Variants in CLSTN2 observed in about 807,000 individuals in gnomAD.
The protein encoded by CLSTN2 is calsyntenin 2, also known as calsyntenin-2.
Under a neutral mutation model 101.2 loss-of-function variants are expected in CLSTN2, and 48 were observed. The ratio of observed to expected loss-of-function variants is 0.47; its 90% CI spans 0.38 to 0.60. The LOEUF (loss-of-function observed/expected upper bound fraction) is 0.60. Among genes scored for constraint, CLSTN2 ranks in the 20% least tolerant of loss-of-function variants. CLSTN2 has a pLI of 0.00. For synonymous variants in CLSTN2, 481 were observed against 463.6 expected, an observed-to-expected ratio of 1.04 and a Z score of -0.48; for missense variants, 1,160 against 1,238.2, an observed-to-expected ratio of 0.94 and a Z score of 0.95.
chr3:140,222,927 C>G (rs116568749), intron 2 of CLSTN2, among the ~76,000 whole-genome samples: 11 of 149,604 alleles, frequency 7.4e-5, no homozygotes, highest in African/African-American at 2.2e-4. Flanking sequence ...TGCCTTATAT[C>G]TTTCTATCTT....
At chr3:140,415,163 G>A (rs1244146506) in intron 4 of CLSTN2, among the ~76,000 whole-genome samples, 2 of 151,712 alleles carry the variant, frequency 1.3e-5, no homozygotes, top group African/African-American at 4.8e-5. Context: ...GGACCCTTCT[G>A]TTACACCATA....
intron 2 of CLSTN2, among the ~76,000 whole-genome samples, chr3:140,278,174 T>C (rs2086812445): frequency 2.0e-5 from 3 of 152,158 alleles, no homozygotes; most frequent in Non-Finnish European, 1.5e-5. Context: ...CAAAATTGGA[T>C]TACAGTAAGT....
At chr3:140,504,519 C>A (rs1237969732) in intron 8 of CLSTN2, among the ~76,000 whole-genome samples, 1 of 152,130 alleles carries the variant, frequency 6.6e-6, no homozygotes, top group Non-Finnish European at 1.5e-5. Flanking sequence ...AAAACAGAGT[C>A]CTGGACTCTG....
At chr3:140,210,992 A>C (rs1006178117) in intron 2 of CLSTN2, among the ~76,000 whole-genome samples, 2 of 152,158 alleles carry the variant, frequency 1.3e-5, no homozygotes, top group Non-Finnish European at 2.9e-5. Flanking sequence ...TCTGCTTACT[A>C]TATAATTGTG....
chr3:139,952,047 C>A (rs777482284), intron 1 of CLSTN2, among the ~76,000 whole-genome samples: 30 of 152,070 alleles, frequency 2.0e-4, no homozygotes, highest in Non-Finnish European at 4.1e-4. Context: ...GTTTCAGCAA[C>A]TTTGAGATGA....
rs771753205 is a variant in CLSTN2 at position 140,418,511 on chromosome 3, TTCTTTC to T, written c.638-2612_638-2607del. ...TCTAGTTCTTTCTTTCTTTCTTTCTTTCTTTCTTTTTTTTTTTTTTTTCTGAGACGG... is the reference window on the plus strand; with the variant it reads ...TCTAGTTCTTTCTTTCTTTCTTTCTTTTTTTTTTTTTTTTTTCTGAGACGG... On this transcript the variant is annotated intron_variant, in intron 4 of 16. Transcript: ENST00000458420. Among the ~76,000 whole-genome samples, 33 of 41,534 alleles carry T rather than the reference TTCTTTC, an allele frequency of 7.9e-4. 1 individual carries two copies. In the African/African-American group the frequency reaches 0.018, roughly 23 times the overall value. The allele number at this position is 41,534 out of a possible 152,430, so 27.2% of individuals were successfully genotyped here.
chr3:140,044,326 T>C, intron 1 of CLSTN2, among the ~76,000 whole-genome samples: 1 of 152,318 alleles, frequency 6.6e-6, no homozygotes, highest in African/African-American at 2.4e-5. Flanking sequence ...TTTGGCTCTC[T>C]GTTTGTCTGT....
intron 8 of CLSTN2, among the ~76,000 whole-genome samples, chr3:140,481,820 G>T (rs1188584878): frequency 2.6e-5 from 4 of 152,350 alleles, no homozygotes; most frequent in African/African-American, 7.2e-5. Flanking sequence ...CTTTGCTGAA[G>T]TTGCCTATCG....
chr3:140,343,946 C>T (rs763574431), intron 2 of CLSTN2, among the ~76,000 whole-genome samples: 1 of 152,164 alleles, frequency 6.6e-6, no homozygotes, highest in African/African-American at 2.4e-5. Context: ...GTGCTAGGTG[C>T]CAGGCACGGA....
intron 2 of CLSTN2, among the ~76,000 whole-genome samples, chr3:140,386,115 T>C (rs139412547): frequency 1.1e-3 from 175 of 152,322 alleles, no homozygotes; most frequent in South Asian, 3.5e-3. Context: ...TTATGCAAAG[T>C]GCTTTAGGCA....
chr3:140,176,679 G>T (rs1438995586), intron 2 of CLSTN2, among the ~76,000 whole-genome samples: 2 of 152,236 alleles, frequency 1.3e-5, no homozygotes, highest in Non-Finnish European at 2.9e-5. Flanking sequence ...CCCAGGAGGG[G>T]TGAGTGAGGA....
At chr3:140,531,508 C>T (rs564815834) in intron 8 of CLSTN2, among the ~76,000 whole-genome samples, 11 of 152,170 alleles carry the variant, frequency 7.2e-5, no homozygotes, top group African/African-American at 2.2e-4. Context: ...ATGGCAGAGT[C>T]GATGGAGACA....
chr3:140,536,673 C>A (rs558796012), intron 9 of CLSTN2, among the ~76,000 whole-genome samples: 3 of 152,292 alleles, frequency 2.0e-5, no homozygotes, highest in South Asian at 4.1e-4. Flanking sequence ...AGAGAAATGA[C>A]AACCCATTGG....
At chr3:140,490,161 C>T (rs550433143) in intron 8 of CLSTN2, among the ~76,000 whole-genome samples, 3,520 of 116,164 alleles carry the variant, frequency 0.03, 510 homozygotes, top group Non-Finnish European at 0.047. Context: ...CACACACACA[C>T]ATATATACAG....
rs143863422 is a variant in CLSTN2, at chr3:140,129,052, A to G, written c.110-46899A>G. On this transcript the variant is annotated intron_variant, in intron 1 of 16. Coordinates refer to ENST00000458420, the MANE Select transcript of CLSTN2 (RefSeq NM_022131.3). ...GGGGATGCAAATCTTAGTAAATACA[A>G]AAACTTGTAATCCTCAGCTCCTGGA... Among the ~76,000 whole-genome samples the G allele has an allele frequency of 3.3e-5, 5 of 152,300 alleles. No individual in the cohort carries two copies. The East Asian group carries it at 7.7e-4, about 24-fold the overall frequency.
chr3:140,309,961 G>T (rs903058976), intron 2 of CLSTN2, among the ~76,000 whole-genome samples: 1 of 152,110 alleles, frequency 6.6e-6, no homozygotes, highest in Admixed American at 6.5e-5. Flanking sequence ...GTGGCGGCTT[G>T]TTCCCCAGTC....
At chr3:140,192,717 G>A (rs1170765887) in intron 2 of CLSTN2, among the ~76,000 whole-genome samples, 1 of 151,332 alleles carries the variant, frequency 6.6e-6, no homozygotes, top group African/African-American at 2.4e-5. Flanking sequence ...TTTTTTGTTA[G>A]CAGCATGTTG....
intron 1 of CLSTN2, among the ~76,000 whole-genome samples, chr3:140,075,109 G>A (rs146687084): frequency 6.6e-6 from 1 of 152,218 alleles, no homozygotes; most frequent in East Asian, 1.9e-4. Flanking sequence ...CTCACCAGAA[G>A]TATATCAACT....
chr3:140,135,117 C>CATATATATAT (rs66931848), intron 1 of CLSTN2, among the ~76,000 whole-genome samples: 13 of 58,102 alleles, frequency 2.2e-4, no homozygotes, highest in African/African-American at 5.2e-4. Flanking sequence ...CACACACACA[C>CATATATATAT]ATATATATAT....
Sources: allele counts gnomAD v4.1 joint callset (sites outside exome capture counted in the v4.1 genomes callset), GRCh38; gene constraint gnomAD v4.1.1; transcripts MANE v1.5; gene names NCBI Gene and HGNC (gene_info 2026-07-23, HGNC 2026-07-21).